NAALADL2: variants seen among roughly 807,000 people sequenced by gnomAD.
NAALADL2 encodes the protein N-acetylated alpha-linked acidic dipeptidase like 2, also known as inactive N-acetylated-alpha-linked acidic dipeptidase-like protein 2.
A neutral mutation model predicts 87.2 loss-of-function variants in NAALADL2; 76 were observed. The observed-to-expected ratio is 0.87, with a 90% CI of 0.72 to 1.05. The LOEUF is 1.05. Among genes scored for constraint, NAALADL2 ranks in the 50% least tolerant of loss-of-function variants. NAALADL2 has a pLI of 0.00. For missense variants in NAALADL2, 1,089 were observed against 945.8 expected, an observed-to-expected ratio of 1.15 and a Z score of -1.99; for synonymous variants, 354 against 331.0, an observed-to-expected ratio of 1.07 and a Z score of -0.75.
At chr3:175,476,722 AC>A (rs1173687203) in intron 9 of NAALADL2, among the ~76,000 whole-genome samples, 1 of 152,124 alleles carries the variant, frequency 6.6e-6, no homozygotes, top group Non-Finnish European at 1.5e-5. Flanking sequence ...CTGCTGAGGT[AC>A]TTACACAGTT....
chr3:175,737,720 T>TTTTTG (rs1744693155), intron 12 of NAALADL2, among the ~76,000 whole-genome samples: 1 of 136,634 alleles, frequency 7.3e-6, no homozygotes, highest in South Asian at 2.3e-4. Context: ...TCCAGTTTTT[T>TTTTTG]TTTTTTTTTT....
intron 3 of NAALADL2, among the ~76,000 whole-genome samples, chr3:175,247,526 C>G (rs187839017): frequency 3.4e-4 from 52 of 152,134 alleles, no homozygotes; most frequent in Non-Finnish European, 1.0e-4. Context: ...TTTCTAATAA[C>G]AAGGAACAGC....
At chr3:174,949,473 G>T (rs1739999188) in intron 1 of NAALADL2, among the ~76,000 whole-genome samples, 1 of 152,142 alleles carries the variant, frequency 6.6e-6, no homozygotes, top group Non-Finnish European at 1.5e-5. Context: ...TATTGTTGCA[G>T]CCATCATTGA....
chr3:175,173,700 CTGTT>C (rs1735227801), intron 2 of NAALADL2, among the ~76,000 whole-genome samples: 1 of 152,120 alleles, frequency 6.6e-6, no homozygotes, highest in Admixed American at 6.6e-5. Flanking sequence ...CCCTATTGGT[CTGTT>C]TAGCTTTCCT....
upstream of NAALADL2, among the ~76,000 whole-genome samples, chr3:174,857,134 G>A (rs1725938512): frequency 6.6e-6 from 1 of 152,086 alleles, no homozygotes. Context: ...AATTCAACAA[G>A]AATTTCTGCA....
chr3:175,176,907 T>A (rs953346337), intron 2 of NAALADL2, among the ~76,000 whole-genome samples: 8 of 152,166 alleles, frequency 5.3e-5, no homozygotes, highest in African/African-American at 1.9e-4. Context: ...TGATAGTAAA[T>A]TTGTGTTGTT....
intron 5 of NAALADL2, among the ~76,000 whole-genome samples, chr3:175,423,469 A>G: frequency 8.1e-6 from 1 of 123,784 alleles, no homozygotes; most frequent in Non-Finnish European, 1.6e-5. Flanking sequence ...TCCTGTGTCC[A>G]TGTGTTCTCA....
At chr3:175,048,325 G>A (rs9857054) in intron 1 of NAALADL2, among the ~76,000 whole-genome samples, 20,934 of 152,024 alleles carry the variant, frequency 0.14, 3,364 homozygotes, top group African/African-American at 0.39. Flanking sequence ...TATGTAGAAA[G>A]AAAGCAAAAA....
intron 1 of NAALADL2, among the ~76,000 whole-genome samples, chr3:174,888,674 G>A (rs574740434): frequency 6.6e-5 from 10 of 152,160 alleles, no homozygotes; most frequent in African/African-American, 1.2e-4. Context: ...TCAACCTTGC[G>A]CTCTGAGCAT....
At chr3:175,470,954 A>G (rs1213535344) in intron 8 of NAALADL2, among the ~76,000 whole-genome samples, 1 of 152,138 alleles carries the variant, frequency 6.6e-6, no homozygotes, top group African/African-American at 2.4e-5. Flanking sequence ...TTCATCACTG[A>G]AGTGGTTTAT....
chr3:175,097,710 A>G lies in NAALADL2; in HGVS notation c.545+419A>G, dbSNP rs80338157. Among the ~76,000 whole-genome samples the G allele has an allele frequency of 9.0e-3, 1,363 of 152,272 alleles. 13 individuals carry two copies. The highest frequency in any genetic ancestry group is 0.031 in the African/African-American group (1,298 of 41,560). Reference sequence around the variant, plus strand: ...CTTTATGGGCTGAAGTAACTCTTCAAAAGTTTCACCGATGTCATATAACTA... The same window carrying G: ...CTTTATGGGCTGAAGTAACTCTTCAGAAGTTTCACCGATGTCATATAACTA... On this transcript the variant is annotated intron_variant, in intron 2 of 13. Transcript: ENST00000454872.
At chr3:175,016,494 G>A (rs904089668) in intron 1 of NAALADL2, among the ~76,000 whole-genome samples, 10 of 150,982 alleles carry the variant, frequency 6.6e-5, no homozygotes, top group African/African-American at 2.4e-4. Flanking sequence ...CCTGCTAAAG[G>A]GGTTATCACT....
At chr3:175,603,004 T>G (rs998240584) in intron 10 of NAALADL2, among the ~76,000 whole-genome samples, 1 of 152,212 alleles carries the variant, frequency 6.6e-6, no homozygotes, top group African/African-American at 2.4e-5. Context: ...ATATACATCA[T>G]GTTCTTTTAC....
intron 1 of NAALADL2, among the ~76,000 whole-genome samples, chr3:174,543,810 C>T (rs554651267): frequency 8.5e-5 from 13 of 152,098 alleles, no homozygotes; most frequent in African/African-American, 2.7e-4. Flanking sequence ...GCGTTTGAGA[C>T]CAGCCTGGCC....
intron 2 of NAALADL2, among the ~76,000 whole-genome samples, chr3:175,228,431 A>G (rs1459973937): frequency 1.3e-5 from 2 of 151,854 alleles, no homozygotes; most frequent in Non-Finnish European, 2.9e-5. Flanking sequence ...TGAAAAACGC[A>G]TATATGCTGA....
chr3:175,272,307 A>G (rs1752959463), intron 4 of NAALADL2, among the ~76,000 whole-genome samples: 1 of 152,220 alleles, frequency 6.6e-6, no homozygotes, highest in Admixed American at 6.5e-5. Context: ...GAAACAAAGA[A>G]AATTTTGTTG....
chr3:175,531,915 G>A (rs1335407437), intron 9 of NAALADL2, among the ~76,000 whole-genome samples: 1 of 152,226 alleles, frequency 6.6e-6, no homozygotes, highest in African/African-American at 2.4e-5. Flanking sequence ...TCACGTCCTT[G>A]ATGGTGGTGC....
intron 9 of NAALADL2, among the ~76,000 whole-genome samples, chr3:175,497,148 A>C (rs1347106515): frequency 2.0e-5 from 3 of 152,006 alleles, no homozygotes; most frequent in Non-Finnish European, 4.4e-5. Flanking sequence ...ACCATAGCTC[A>C]CTGTAACCTC....
intron 2 of NAALADL2, among the ~76,000 whole-genome samples, chr3:174,668,543 G>A (rs1043440760): frequency 2.6e-5 from 4 of 152,008 alleles, no homozygotes; most frequent in African/African-American, 7.2e-5. Flanking sequence ...TTAACATTAG[G>A]TATATCTCCA....
Sources: allele counts gnomAD v4.1 joint callset (sites outside exome capture counted in the v4.1 genomes callset), GRCh38; gene constraint gnomAD v4.1.1; transcripts MANE v1.5; gene names NCBI Gene and HGNC (gene_info 2026-07-23, HGNC 2026-07-21).